The following URB1 variants were observed in gnomAD, a reference collection of about 807,000 sequenced individuals.
URB1 encodes nucleolar pre-ribosomal-associated protein 1.
In URB1, 197 loss-of-function variants were observed where a neutral mutation model predicts 242.3. The observed-to-expected ratio is 0.81, with a 90% CI of 0.72 to 0.91. URB1 has a LOEUF of 0.91. URB1 is among the 40% of genes least tolerant of loss of function. URB1 has a pLI of 0.00. For missense variants in URB1, 2,721 were observed against 2,860.5 expected (o/e 0.95, Z 1.11); for synonymous variants, 1,153 against 1,201.8 (o/e 0.96, Z 0.84).
intron 21 of URB1, 128 bp from the exon 22 acceptor site, chr21:32,347,939 C>T (rs1487933507): frequency 2.2e-6 from 3 of 1,380,862 alleles, no homozygotes; most frequent in East Asian, 2.5e-5. Context: ...CTAATCCATT[C>T]CATCCTCAAG....
In URB1 at chr21:32,354,910, T is replaced by C; in HGVS notation, c.2194A>G (p.Met732Val). 1 of 1,552,414 alleles carries C rather than the reference T, an allele frequency of 6.4e-7. No individual in the cohort carries two copies. Among genetic ancestry groups the C allele is most frequent in the Non-Finnish European group, 8.7e-7 (1 of 1,147,150 alleles). ...VQEASMLQAT[M>V]TKQEADDMSI... is the part of the protein sequence containing the mutation. Reference sequence around the variant, plus strand: ...ATGTCATCGGCTTCTTGCTTCGTCATAGTGGCCTGCAGCATGCTTGCTTCT... The same window carrying C: ...ATGTCATCGGCTTCTTGCTTCGTCACAGTGGCCTGCAGCATGCTTGCTTCT... The change falls in exon 17 of 39, where the codon ATG becomes GTG. Residue 732 changes from methionine (M) to valine (V), a missense_variant. Transcript: ENST00000382751.
rs1334870157 is a variant in URB1 at position 32,338,801 on chromosome 21, G to C, written c.4416C>G (p.Leu1472=). 2.6e-6 allele frequency: 4 copies of C among 1,551,742 alleles called. No homozygotes were observed. The highest frequency in any genetic ancestry group is 2.4e-5 in the South Asian group (2 of 84,058). Reference sequence around the variant, plus strand: ...GCATGAGCATCACGTAGACCACCGGGAGCTGGATGAGCTTCGTGCGCACGG... The same window carrying C: ...GCATGAGCATCACGTAGACCACCGGCAGCTGGATGAGCTTCGTGCGCACGG... The part of the protein sequence containing the change: ...ESSVRTKLIQ[L]PVVYVMLMQH... The change falls in exon 26 of 39, where the codon CTC becomes CTG. Residue 1472 remains leucine, a synonymous_variant. Coordinates refer to ENST00000382751, the MANE Select transcript of URB1 (RefSeq NM_014825.3).
At chr21:32,359,700 G>T in intron 14 of URB1, 96 bp downstream of exon 14, 2 of 1,080,940 alleles carry the variant, frequency 1.9e-6, no homozygotes, top group East Asian at 2.8e-5. Context: ...GTCTTGCCCC[G>T]TCAGGTTCTG....
chr21:32,368,742 G>C, intron 8 of URB1, 144 bp from the exon 9 acceptor site: 3 of 712,696 alleles, frequency 4.2e-6, no homozygotes, highest in Admixed American at 3.3e-5. Context: ...GACGTAAAGT[G>C]GGGGTTCCGT....
intron 28 of URB1, 44 bp from the exon 29 acceptor site, chr21:32,334,378 G>A (rs956895563): frequency 6.0e-6 from 9 of 1,509,836 alleles, no homozygotes; most frequent in Middle Eastern, 1.7e-4. Context: ...AGAGCCCCCC[G>A]GGAACAGAAT....
At chr21:32,379,439 G>T (rs781740142) in intron 4 of URB1, among the ~76,000 whole-genome samples, 12 of 152,226 alleles carry the variant, frequency 7.9e-5, no homozygotes, top group Non-Finnish European at 1.8e-4. Context: ...ACAAGTCACT[G>T]CCCCAAAATG....
chr21:32,355,500 T>C lies in URB1; in HGVS notation c.2055A>G (p.Leu685=). 1.3e-6 allele frequency: 2 copies of C among 1,551,852 alleles called. No individual in the cohort carries two copies. Among genetic ancestry groups the C allele is most frequent in the Non-Finnish European group, 1.7e-6 (2 of 1,147,026 alleles). ...CTTTGTCCTCTTCCATGGTGTTCTC[T>C]AAATGCTCCAGCCAGAGCTCCAGCT... ...WKELELWLEH[L]ENTMEEDKET... is the part of the protein sequence containing the mutation. Residue 685 remains leucine, a synonymous_variant, in exon 16 of 39, where the codon TTA becomes TTG. Transcript: ENST00000382751.
intron 30 of URB1, among the ~76,000 whole-genome samples, chr21:32,328,763 T>C (rs73901401): frequency 0.013 from 1,965 of 152,280 alleles, 50 homozygotes; most frequent in African/African-American, 0.044. Context: ...TTTGTGCTCA[T>C]CTCTGCTACT....
At chr21:32,319,543 C>A in intron 35 of URB1, 129 bp from the exon 36 acceptor site, 2 of 977,332 alleles carry the variant, frequency 2.0e-6, no homozygotes. Context: ...AAACAGGGTG[C>A]TTGCTATACA....
Position 32,317,895 on chromosome 21 carries a change from G to C in URB1, c.5815C>G (p.Leu1939Val). 6.4e-7 allele frequency: 1 copy of C among 1,551,742 alleles called. No individual in the cohort carries two copies. The change falls in exon 37 of 39, where the codon CTG (leucine) becomes GTG (valine). Residue 1939 changes from leucine (L) to valine (V), a missense_variant. Coordinates refer to ENST00000382751, the MANE Select transcript of URB1 (RefSeq NM_014825.3). ...TCAAGTGTCCCGAAGAAGTTGGTCA[G>C]CTGGACGGGGGCCAAGGTGGGCCTG... ...HLRPTLAPVQLTNFFGTLDSV... is the reference protein window; with the variant it reads ...HLRPTLAPVQVTNFFGTLDSV...
In URB1 at chr21:32,319,206, G is replaced by A. The variant is rs2032732111; in HGVS notation, c.5792+11C>T. On this transcript the variant is annotated intron_variant, in intron 36 of 38. Coordinates refer to ENST00000382751, the MANE Select transcript of URB1 (RefSeq NM_014825.3). Reference sequence around the variant, plus strand: ...GGCCAGAAGGGCCCCCCTGGCGGGGGCAGGACTCACCTCAGGTGCTTCATG... The same window carrying A: ...GGCCAGAAGGGCCCCCCTGGCGGGGACAGGACTCACCTCAGGTGCTTCATG... 1 of 1,544,940 alleles carries A rather than the reference G, an allele frequency of 6.5e-7. No individual in the cohort carries two copies. Among genetic ancestry groups the A allele is most frequent in the South Asian group, 1.2e-5 (1 of 82,722 alleles).
chr21:32,333,645 T>C lies in URB1; in HGVS notation c.4858-226A>G, dbSNP rs2032921693. Reference sequence around the variant, plus strand: ...GCATGCAGGTAACTTTATACAGGAATTTAAGATAATTTTGTGCATGAAAGA... The same window carrying C: ...GCATGCAGGTAACTTTATACAGGAACTTAAGATAATTTTGTGCATGAAAGA... On this transcript the variant is annotated intron_variant, in intron 29 of 38. Coordinates refer to ENST00000382751, the MANE Select transcript of URB1 (RefSeq NM_014825.3). Among the ~76,000 whole-genome samples the C allele has an allele frequency of 2.0e-5, 3 of 152,218 alleles. No homozygotes were observed. The South Asian group carries it at 6.2e-4, about 32-fold the overall frequency.
Position 32,314,707 on chromosome 21 carries a change from T to G in URB1, c.*211A>C. 1.9e-6 allele frequency: 3 copies of G among 1,561,180 alleles called. No individual in the cohort carries two copies. Among genetic ancestry groups the G allele is most frequent in the Non-Finnish European group, 2.6e-6 (3 of 1,132,488 alleles). ...GAAGTCCCCACATTCCTTGCAACTC[T>G]GATGCTGGGCACCTACAGGCCCGAG... On this transcript the variant is annotated 3_prime_UTR_variant, in exon 39 of 39. Coordinates refer to ENST00000382751, the MANE Select transcript of URB1 (RefSeq NM_014825.3).
intron 1 of URB1, among the ~76,000 whole-genome samples, chr21:32,389,092 C>T (rs1226535892): frequency 1.3e-5 from 2 of 152,108 alleles, no homozygotes; most frequent in African/African-American, 4.8e-5. Flanking sequence ...GAGGACTGTA[C>T]CTAGGGAACA....
chr21:32,364,569 T>C (rs2033324536), intron 10 of URB1, among the ~76,000 whole-genome samples: 2 of 152,136 alleles, frequency 1.3e-5, no homozygotes, highest in African/African-American at 4.8e-5. Context: ...ACAGGAACTA[T>C]CCTAAGCCAA....
chr21:32,384,868 C>T (rs2146055387), intron 2 of URB1, among the ~76,000 whole-genome samples: 1 of 152,324 alleles, frequency 6.6e-6, no homozygotes, highest in East Asian at 1.9e-4. Context: ...GTAGTCCCAG[C>T]TACTTGGGAG....
intron 10 of URB1, among the ~76,000 whole-genome samples, chr21:32,364,801 AAAC>A (rs2033327448): frequency 6.6e-6 from 1 of 152,112 alleles, no homozygotes; most frequent in South Asian, 2.1e-4. Context: ...AAACAAAAAA[AAAC>A]AAACATCATC....
At chr21:32,351,377 G>A (rs2033156569) in intron 19 of URB1, among the ~76,000 whole-genome samples, 1 of 152,210 alleles carries the variant, frequency 6.6e-6, no homozygotes, top group South Asian at 2.1e-4. Context: ...AGAACACAGA[G>A]AAATTTCTGG....
rs528726875 is a variant in URB1, at chr21:32,390,881, G to T, written c.142+1888C>A. ...CCCATTACTGGGTATATACCCAAAG[G>T]ATTATAAATCATACTGCTATCAAGA... On this transcript the variant is annotated intron_variant, in intron 1 of 38. Transcript: ENST00000382751. Among the ~76,000 whole-genome samples, 5 of 152,220 alleles carry T rather than the reference G, an allele frequency of 3.3e-5. No homozygotes were observed. In the East Asian group the frequency reaches 9.7e-4, roughly 29 times the overall value.
Sources: allele counts gnomAD v4.1 joint callset (sites outside exome capture counted in the v4.1 genomes callset), GRCh38; gene constraint gnomAD v4.1.1; transcripts MANE v1.5; gene names NCBI Gene and HGNC (gene_info 2026-07-23, HGNC 2026-07-21).